The following MSS51 variants were observed in gnomAD, a reference collection of about 807,000 sequenced individuals.
MSS51 encodes MSS51 mitochondrial translational activator, also known as putative protein MSS51 homolog, mitochondrial.
MSS51 carries 32 observed loss-of-function variants against 40.2 expected under a neutral mutation model. The ratio of observed to expected loss-of-function variants is 0.80; its 90% CI spans 0.60 to 1.07. MSS51 has a LOEUF of 1.07. Ranked by LOEUF, MSS51 falls within the 50% of genes least tolerant of loss-of-function variation. The pLI is 0.00. For missense variants in MSS51, 518 were observed against 568.9 expected (o/e 0.91, Z 0.91); for synonymous variants, 178 against 214.2 (o/e 0.83, Z 1.48).
chr10:73,426,788 A>C, intron 3 of MSS51, 57 bp from the exon 4 acceptor site: 11 of 1,588,746 alleles, frequency 6.9e-6, no homozygotes, highest in Non-Finnish European at 8.6e-6. Flanking sequence ...GGGTTATCGG[A>C]GGAAAGGAAC....
Position 73,425,859 on chromosome 10 carries a change from C to A in MSS51, c.1021G>T (p.Glu341Ter), listed in dbSNP as rs1246144259. The change falls in exon 5 of 7, where the codon GAG becomes TAG. Residue 341 changes from glutamate (E) to a stop codon, truncating the protein, a stop_gained. Transcript: ENST00000299432. LOFTEE classifies it high-confidence loss of function. ...LYHDFWEEQV[E>*]TGQTHHPDLV... ...TCTGGATGGTGTGTCTGCCCGGTCT[C>A]TACTTGCTCCTCCCAGAAGTCATGG... The A allele has an allele frequency of 6.2e-7, 1 of 1,614,110 alleles. No homozygotes were observed. Among genetic ancestry groups the A allele is most frequent in the South Asian group, 1.1e-5 (1 of 91,078 alleles).
intron 1 of MSS51, among the ~76,000 whole-genome samples, chr10:73,430,394 A>G (rs1461036320): frequency 6.6e-6 from 1 of 152,208 alleles, no homozygotes; most frequent in Non-Finnish European, 1.5e-5. Context: ...AAATATATAA[A>G]GAATTCCCAC....
chr10:73,424,384 GA>G lies in MSS51; in HGVS notation c.*168del. On this transcript the variant is annotated 3_prime_UTR_variant, in exon 7 of 7. Transcript: ENST00000299432. ...AGAGCAAGACTCCATCTCAAAAAAAGAAAGAAACCAGTTATGTTATACAGAA... is the reference window on the plus strand; with the variant it reads ...AGAGCAAGACTCCATCTCAAAAAAAGAAGAAACCAGTTATGTTATACAGAA... 1 of 613,252 alleles carries G rather than the reference GA, an allele frequency of 1.6e-6. No individual in the cohort carries two copies. The highest frequency in any genetic ancestry group is 2.9e-5 in the Admixed American group (1 of 34,518). The allele number at this position is 613,252 out of a possible 1,614,324, so 38.0% of individuals were successfully genotyped here.
At chr10:73,430,435 C>A (rs1195511126) in intron 1 of MSS51, among the ~76,000 whole-genome samples, 1 of 151,924 alleles carries the variant, frequency 6.6e-6, no homozygotes, top group African/African-American at 2.4e-5. Context: ...AACCACCAAA[C>A]AACCCAACTA....
Position 73,424,319 on chromosome 10 carries a change from G to A in MSS51, c.*234C>T. ...TTGAACCCAGGAGGCGGAGGCTGCA[G>A]TGAGTCGAGATCATGCCGCTGCACT... On this transcript the variant is annotated 3_prime_UTR_variant, in exon 7 of 7. Transcript: ENST00000299432. 1 of 449,986 alleles carries A rather than the reference G, an allele frequency of 2.2e-6. No homozygotes were observed. The highest frequency in any genetic ancestry group is 4.1e-6 in the Non-Finnish European group (1 of 244,982). The allele number at this position is 449,986 out of a possible 1,614,324, so 27.9% of individuals were successfully genotyped here. A position where few individuals can be genotyped will look rare whatever the true frequency, so the allele number is the denominator to read the frequency against.
chr10:73,427,024 G>A (rs977318770), intron 3 of MSS51, among the ~76,000 whole-genome samples: 5 of 152,060 alleles, frequency 3.3e-5, no homozygotes, highest in African/African-American at 1.2e-4. Flanking sequence ...TCTCATAACA[G>A]GTATGGTTCA....
At chr10:73,428,342 C>G (rs779815787) in intron 1 of MSS51, 41 bp from the exon 2 acceptor site, 12 of 1,438,696 alleles carry the variant, frequency 8.3e-6, no homozygotes, top group Non-Finnish European at 1.1e-5. Context: ...TGGAATTTTA[C>G]AAGCTGGACA....
At chr10:73,428,961 T>C (rs978609511) in intron 1 of MSS51, among the ~76,000 whole-genome samples, 3 of 151,626 alleles carry the variant, frequency 2.0e-5, no homozygotes, top group Non-Finnish European at 4.4e-5. Flanking sequence ...TCCCAGCACT[T>C]TGGGAGGCTG....
Position 73,425,200 on chromosome 10 carries a change from C to T in MSS51, c.1070-9G>A, listed in dbSNP as rs200154640. 1.3e-6 allele frequency: 2 copies of T among 1,567,408 alleles called. No individual in the cohort carries two copies. Among genetic ancestry groups the T allele is most frequent in the African/African-American group, 2.8e-5 (2 of 72,352 alleles). On this transcript the variant is annotated splice_polypyrimidine_tract_variant and intron_variant, in intron 5 of 6. Transcript: ENST00000299432. ...TGGGGAGGAATGAAAACCTGTGGAA[C>T]AAAAATGAAAATGGGAATAGGGAAA... is the stretch of plus-strand genomic sequence containing the variant.
intron 1 of MSS51, among the ~76,000 whole-genome samples, chr10:73,431,138 G>A (rs917057154): frequency 8.5e-5 from 13 of 152,164 alleles, no homozygotes; most frequent in Admixed American, 6.5e-4. Context: ...AAGGGAAAAT[G>A]GGGAGTAACT....
At chr10:73,428,444 G>A (rs987335359) in intron 1 of MSS51, 143 bp from the exon 2 acceptor site, 2 of 641,064 alleles carry the variant, frequency 3.1e-6, no homozygotes, top group South Asian at 2.1e-5. Flanking sequence ...GTATTTACTG[G>A]TTATTGATCA....
chr10:73,427,904 A>G (rs2056001364), intron 2 of MSS51, 136 bp from the exon 3 acceptor site: 1 of 1,236,322 alleles, frequency 8.1e-7, no homozygotes, highest in Non-Finnish European at 1.1e-6. Flanking sequence ...CACTTAAGTG[A>G]ATGTTTCTTC....
chr10:73,430,620 C>G (rs1264061747), intron 1 of MSS51, among the ~76,000 whole-genome samples: 1 of 149,964 alleles, frequency 6.7e-6, no homozygotes, highest in Non-Finnish European at 1.5e-5. Context: ...CAGAAAATGA[C>G]AAGTGTTGAT....
chr10:73,431,099 C>A (rs1445613089), intron 1 of MSS51, among the ~76,000 whole-genome samples: 2 of 152,048 alleles, frequency 1.3e-5, no homozygotes, highest in African/African-American at 4.8e-5. Flanking sequence ...AGACAGAAAG[C>A]AGATTGGTAG....
intron 5 of MSS51, 60 bp from the exon 6 acceptor site, chr10:73,425,251 A>G (rs1312697952): frequency 2.4e-5 from 28 of 1,156,636 alleles, no homozygotes; most frequent in Middle Eastern, 2.0e-4. Context: ...TAAGAGCAAG[A>G]TATTTCTTTG....
chr10:73,432,807 A>T (rs1336525643), intron 1 of MSS51, among the ~76,000 whole-genome samples: 1 of 152,184 alleles, frequency 6.6e-6, no homozygotes, highest in African/African-American at 2.4e-5. Flanking sequence ...TTGAGTTTAT[A>T]TACCCCAGGC....
chr10:73,426,736 G>C lies in MSS51; in HGVS notation c.378-5C>G, dbSNP rs755207423. 7 of 1,613,528 alleles carry C rather than the reference G, an allele frequency of 4.3e-6. No homozygotes were observed. The Admixed American group carries it at 5.0e-5, about 12-fold the overall frequency. ...CAGTAATAGACATTTCTGCACCTGA[G>C]AGAATGAGAGAGAAATAGTTCTTAT... On this transcript the variant is annotated splice_polypyrimidine_tract_variant and splice_region_variant and intron_variant, in intron 3 of 6. Coordinates refer to ENST00000299432, the MANE Select transcript of MSS51 (RefSeq NM_001024593.2).
intron 1 of MSS51, chr10:73,429,585 G>GT (rs1200210550): frequency 7.0e-5 from 32 of 455,842 alleles, no homozygotes; most frequent in South Asian, 1.2e-4. Context: ...TCCTAAAGTG[G>GT]TAAGTTTTGA....
Position 73,427,652 on chromosome 10 carries a change from C to T in MSS51, c.338G>A (p.Ser113Asn), listed in dbSNP as rs145395391. Reference protein sequence around the residue: ...RFCAHCRALPSGLSDSKVLRH... With the variant: ...RFCAHCRALPNGLSDSKVLRH... ...GAGAACCTTGGAGTCTGAAAGCCCACTAGGGAGTGCTCTACAGTGAGCACA... is the reference window on the plus strand; with the variant it reads ...GAGAACCTTGGAGTCTGAAAGCCCATTAGGGAGTGCTCTACAGTGAGCACA... The change falls in exon 3 of 7, where the codon AGT becomes AAT. Residue 113 changes from serine to asparagine, a missense_variant. By Grantham distance (46) the Ser-to-Asn change is conservative (BLOSUM62 1). Coordinates refer to ENST00000299432, the MANE Select transcript of MSS51 (RefSeq NM_001024593.2). The T allele has an allele frequency of 1.3e-4, 209 of 1,613,952 alleles. 1 individual carries two copies. The African/African-American group carries it at 2.4e-3, about 19-fold the overall frequency.
Sources: gnomAD v4.1 joint callset for allele counts (sites outside exome capture counted in the v4.1 genomes callset) on GRCh38, gnomAD v4.1.1 for gene constraint, MANE v1.5 for transcripts, NCBI Gene and HGNC (gene_info 2026-07-23, HGNC 2026-07-21) for gene names.